The following RBFOX1 variants were observed in gnomAD, a reference collection of about 807,000 sequenced individuals.
RBFOX1 encodes RNA binding protein fox-1 homolog 1.
Under a neutral mutation model 57.7 loss-of-function variants are expected in RBFOX1, and 8 were observed. That is an observed-to-expected ratio of 0.14 (90% CI 0.08 to 0.25). The LOEUF is 0.25. RBFOX1 is among the 10% of genes least tolerant of loss of function. The pLI, the probability that RBFOX1 is intolerant of heterozygous loss-of-function variation, is 1.00. For synonymous variants in RBFOX1, 326 were observed against 222.4 expected (o/e 1.47, Z -4.15); for missense variants, 611 against 548.5 (o/e 1.11, Z -1.14).
chr16:5,733,294 A>G (rs983418678), intron 3 of RBFOX1, among the ~76,000 whole-genome samples: 1 of 152,164 alleles, frequency 6.6e-6, no homozygotes, highest in Admixed American at 6.5e-5. Flanking sequence ...ACTTCCACAA[A>G]GACCTCGTAA....
At chr16:5,934,042 T>A (rs1026108796) in intron 4 of RBFOX1, among the ~76,000 whole-genome samples, 2 of 152,192 alleles carry the variant, frequency 1.3e-5, no homozygotes, top group Admixed American at 1.3e-4. Flanking sequence ...CATGTGACAT[T>A]TGGGGTTTCT....
intron 4 of RBFOX1, among the ~76,000 whole-genome samples, chr16:7,381,943 T>G (rs1440993263): frequency 6.6e-6 from 1 of 152,212 alleles, no homozygotes; most frequent in Non-Finnish European, 1.5e-5. Context: ...TCTCTAGACT[T>G]GGCTCACTGT....
chr16:5,926,420 C>G (rs1396602976), intron 4 of RBFOX1, among the ~76,000 whole-genome samples: 1 of 152,022 alleles, frequency 6.6e-6, no homozygotes, highest in African/African-American at 2.4e-5. Flanking sequence ...TGTTAGCTGA[C>G]TGGGGGGTGC....
At chr16:7,482,120 C>G (rs976555636) in intron 4 of RBFOX1, among the ~76,000 whole-genome samples, 7 of 152,214 alleles carry the variant, frequency 4.6e-5, no homozygotes, top group Admixed American at 4.6e-4. Flanking sequence ...ACAAGTCCTC[C>G]TGCTCTATAG....
At chr16:6,615,173 C>T (rs1389444045) in intron 2 of RBFOX1, among the ~76,000 whole-genome samples, 2 of 152,118 alleles carry the variant, frequency 1.3e-5, no homozygotes. Context: ...CCTATTTTTC[C>T]CTCTAGAAAT....
At chr16:5,530,925 TAAAAATATAAAA>T (rs2044442364) in intron 2 of RBFOX1, among the ~76,000 whole-genome samples, 2 of 49,314 alleles carry the variant, frequency 4.1e-5, no homozygotes, top group Non-Finnish European at 7.5e-5. Context: ...CTGTCTCTAC[TAAAAATATAAAA>T]AAAAAAAAAA....
At chr16:6,283,451 T>TC (rs1472949947) in intron 1 of RBFOX1, among the ~76,000 whole-genome samples, 2 of 152,228 alleles carry the variant, frequency 1.3e-5, no homozygotes, top group African/African-American at 4.8e-5. Flanking sequence ...AAGCAGATTC[T>TC]GCCATTGAAG....
chr16:6,306,905 G>A (rs866487416), intron 1 of RBFOX1, among the ~76,000 whole-genome samples: 29 of 152,262 alleles, frequency 1.9e-4, no homozygotes, highest in African/African-American at 6.7e-4. Flanking sequence ...TTCATGATGG[G>A]ATTGGTAAAG....
intron 1 of RBFOX1, among the ~76,000 whole-genome samples, chr16:6,284,316 T>G (rs545810226): frequency 1.6e-4 from 24 of 152,304 alleles, no homozygotes; most frequent in African/African-American, 5.3e-4. Flanking sequence ...AAATCAATTT[T>G]CAATCAGTTC....
intron 3 of RBFOX1, among the ~76,000 whole-genome samples, chr16:5,863,938 A>T (rs555008458): frequency 6.6e-6 from 1 of 152,292 alleles, no homozygotes; most frequent in East Asian, 1.9e-4. Context: ...GCTCAGAGGT[A>T]CATATTGCAG....
At chr16:6,287,805 G>A (rs1233417700) in intron 1 of RBFOX1, among the ~76,000 whole-genome samples, 2 of 152,062 alleles carry the variant, frequency 1.3e-5, no homozygotes, top group Non-Finnish European at 2.9e-5. Context: ...ATATGTGGAG[G>A]AACTCCAAAA....
intron 3 of RBFOX1, among the ~76,000 whole-genome samples, chr16:5,787,664 G>A (rs770379561): frequency 2.2e-4 from 33 of 152,202 alleles, no homozygotes; most frequent in Non-Finnish European, 2.9e-5. Flanking sequence ...GCTGGATCTC[G>A]CAGAGAGGGT....
chr16:6,494,341 C>T (rs1473239458), intron 2 of RBFOX1, among the ~76,000 whole-genome samples: 1 of 152,136 alleles, frequency 6.6e-6, no homozygotes, highest in Non-Finnish European at 1.5e-5. Context: ...TCCTGAGGTT[C>T]CATTTGTATA....
chr16:7,363,849 T>C (rs2097380017), intron 4 of RBFOX1, among the ~76,000 whole-genome samples: 1 of 151,880 alleles, frequency 6.6e-6, no homozygotes, highest in African/African-American at 2.4e-5. Context: ...ATTATCTGGG[T>C]GGAGGGGGAG....
chr16:6,751,619 G>T (rs1195569642), intron 3 of RBFOX1, among the ~76,000 whole-genome samples: 1 of 152,126 alleles, frequency 6.6e-6, no homozygotes, highest in Non-Finnish European at 1.5e-5. Flanking sequence ...ACTTGTCTTA[G>T]ACTGCATGAA....
intron 4 of RBFOX1, among the ~76,000 whole-genome samples, chr16:5,996,930 C>T (rs1285766028): frequency 6.6e-6 from 1 of 152,182 alleles, no homozygotes; most frequent in African/African-American, 2.4e-5. Context: ...TTTGCATCAA[C>T]CTAATAGTTC....
chr16:7,032,100 G>A (rs992486293), intron 3 of RBFOX1, among the ~76,000 whole-genome samples: 1 of 152,044 alleles, frequency 6.6e-6, no homozygotes. Flanking sequence ...GTCCCCTCTT[G>A]AGAATCAGAG....
In RBFOX1 at chr16:7,661,878, A is replaced by C. The variant is rs971525668; in HGVS notation, c.891-3051A>C. 4.6e-5 allele frequency among the ~76,000 whole-genome samples: 7 copies of C among 152,332 alleles called. No individual in the cohort carries two copies. The East Asian group carries it at 1.4e-3, about 29-fold the overall frequency. On this transcript the variant is annotated intron_variant, in intron 12 of 15. Transcript: ENST00000550418. Reference sequence around the variant, plus strand: ...CTTTCCATAGCCCACAGTGGAGGACAAAGCATGGCAATCAGGTTACCCTAC... The same window carrying C: ...CTTTCCATAGCCCACAGTGGAGGACCAAGCATGGCAATCAGGTTACCCTAC...
rs577907894 is a variant in RBFOX1, at chr16:6,493,029, G to A, written c.-63-161574G>A. 2.0e-5 allele frequency among the ~76,000 whole-genome samples: 3 copies of A among 152,242 alleles called. No homozygotes were observed. In the South Asian group the frequency reaches 6.2e-4, roughly 32 times the overall value. The stretch of plus-strand genomic sequence containing the variant: ...TTAAGATTACACCTTTATTCTTTGT[G>A]ATTTTCAGCAAAGATGCCCTATTTG... On this transcript the variant is annotated intron_variant, in intron 2 of 15. Coordinates refer to ENST00000550418, the MANE Select transcript of RBFOX1 (RefSeq NM_018723.4).
Sources: allele counts gnomAD v4.1 joint callset (sites outside exome capture counted in the v4.1 genomes callset), GRCh38; gene constraint gnomAD v4.1.1; transcripts MANE v1.5; gene names NCBI Gene and HGNC (gene_info 2026-07-23, HGNC 2026-07-21).